The following CSMD1 variants were observed in gnomAD, a reference collection of about 807,000 sequenced individuals.
CSMD1 encodes CUB and Sushi multiple domains 1.
In CSMD1, 213 loss-of-function variants were observed where a neutral mutation model predicts 417.5. The ratio of observed to expected loss-of-function variants is 0.51; its 90% CI spans 0.46 to 0.57. The LOEUF (loss-of-function observed/expected upper bound fraction) is 0.57. Among genes scored for constraint, CSMD1 ranks in the 20% least tolerant of loss-of-function variants. The pLI, the probability that CSMD1 is intolerant of heterozygous loss-of-function variation, is 0.00. For missense variants in CSMD1, 6,923 were observed against 4,529.7 expected (o/e 1.53, Z -15.17); for synonymous variants, 2,862 against 1,736.8 (o/e 1.65, Z -16.11).
At chr8:4,469,834 C>G (rs935125761) in intron 2 of CSMD1, among the ~76,000 whole-genome samples, 1 of 151,928 alleles carries the variant, frequency 6.6e-6, no homozygotes, top group Non-Finnish European at 1.5e-5. Flanking sequence ...CTTAAAATGA[C>G]TCGCACACCT....
chr8:4,715,386 T>C (rs1300909296), intron 1 of CSMD1, among the ~76,000 whole-genome samples: 3 of 152,198 alleles, frequency 2.0e-5, no homozygotes, highest in Non-Finnish European at 4.4e-5. Context: ...TTGAATATAA[T>C]ATAAACATGT....
At chr8:3,497,274 G>C (rs558391827) in intron 10 of CSMD1, among the ~76,000 whole-genome samples, 81 of 152,232 alleles carry the variant, frequency 5.3e-4, no homozygotes, top group African/African-American at 1.9e-3. Context: ...TATTATATTG[G>C]AGTCTATCTC....
chr8:4,159,541 A>G (rs1280364921), intron 3 of CSMD1, among the ~76,000 whole-genome samples: 1 of 152,210 alleles, frequency 6.6e-6, no homozygotes, highest in Non-Finnish European at 1.5e-5. Flanking sequence ...CAGCCATAAA[A>G]AGCAATGAAT....
intron 5 of CSMD1, among the ~76,000 whole-genome samples, chr8:3,852,909 T>G (rs1414416815): frequency 6.6e-6 from 1 of 152,150 alleles, no homozygotes; most frequent in Non-Finnish European, 1.5e-5. Context: ...TTTTAAAATA[T>G]TTTATCTTGA....
chr8:3,676,230 C>T (rs1383947), intron 7 of CSMD1, among the ~76,000 whole-genome samples: 2 of 152,016 alleles, frequency 1.3e-5, no homozygotes, highest in Non-Finnish European at 2.9e-5. Context: ...AAATACTAAC[C>T]TTGGGGTCAG....
intron 3 of CSMD1, among the ~76,000 whole-genome samples, chr8:4,109,850 G>A (rs892688223): frequency 6.6e-6 from 1 of 152,132 alleles, no homozygotes; most frequent in South Asian, 2.1e-4. Context: ...ATAAAAATAA[G>A]GGAGAGGTCC....
At chr8:4,292,535 G>C (rs997499381) in intron 3 of CSMD1, among the ~76,000 whole-genome samples, 4 of 152,206 alleles carry the variant, frequency 2.6e-5, no homozygotes, top group African/African-American at 9.6e-5. Flanking sequence ...TACAGCCCAG[G>C]CGTGAGCCAC....
chr8:4,304,191 G>C (rs963920698), intron 3 of CSMD1, among the ~76,000 whole-genome samples: 1 of 152,140 alleles, frequency 6.6e-6, no homozygotes, highest in African/African-American at 2.4e-5. Flanking sequence ...GGGAGAATAA[G>C]CCAGTTTTGA....
At chr8:4,888,256 G>C (rs1177440974) in intron 1 of CSMD1, among the ~76,000 whole-genome samples, 1 of 151,954 alleles carries the variant, frequency 6.6e-6, no homozygotes, top group Non-Finnish European at 1.5e-5. Flanking sequence ...AATCGATAAG[G>C]AGTAATTTTC....
At chr8:3,901,440 A>C (rs956472553) in intron 5 of CSMD1, among the ~76,000 whole-genome samples, 2 of 151,972 alleles carry the variant, frequency 1.3e-5, no homozygotes, top group African/African-American at 4.8e-5. Context: ...TTTTGGTCTT[A>C]CTCTAATGAC....
At chr8:3,566,204 G>T (rs1443049552) in intron 10 of CSMD1, among the ~76,000 whole-genome samples, 2 of 152,040 alleles carry the variant, frequency 1.3e-5, no homozygotes, top group Non-Finnish European at 2.9e-5. Context: ...ACAAGGAAAA[G>T]GAGGAGGAGA....
chr8:3,157,833 G>A (rs1819629400), intron 39 of CSMD1, 64 bp downstream of exon 39: 1 of 1,315,460 alleles, frequency 7.6e-7, no homozygotes, highest in Non-Finnish European at 1.1e-6. Context: ...GACCCCAAGA[G>A]TAGAGCAGGC....
chr8:3,710,826 G>A (rs1461980580), intron 6 of CSMD1, among the ~76,000 whole-genome samples: 1 of 152,162 alleles, frequency 6.6e-6, no homozygotes, highest in African/African-American at 2.4e-5. Flanking sequence ...AGACTATGCA[G>A]AATTTGAACT....
chr8:3,670,808 T>A (rs1186782200), intron 7 of CSMD1, among the ~76,000 whole-genome samples: 9 of 150,864 alleles, frequency 6.0e-5, no homozygotes, highest in Admixed American at 5.3e-4. Flanking sequence ...GGGATATATA[T>A]GTATATGGGA....
rs189451851 is a variant in CSMD1, at chr8:4,917,974, G to C, written c.85+76358C>G. 1.8e-4 allele frequency among the ~76,000 whole-genome samples: 27 copies of C among 152,268 alleles called. 1 individual carries two copies. The highest frequency in any genetic ancestry group is 1.6e-3 in the Admixed American group (25 of 15,300). On this transcript the variant is annotated intron_variant, in intron 1 of 69. Coordinates refer to ENST00000635120, the MANE Select transcript of CSMD1 (RefSeq NM_033225.6). ...TGCTAAGGTCTATTTAGTAGAGTGAGTATTGTTACTGTCTGTGATAACAAA... is the reference window on the plus strand; with the variant it reads ...TGCTAAGGTCTATTTAGTAGAGTGACTATTGTTACTGTCTGTGATAACAAA...
intron 5 of CSMD1, among the ~76,000 whole-genome samples, chr8:3,971,743 T>G (rs28671018): frequency 6.6e-6 from 1 of 152,170 alleles, no homozygotes; most frequent in Admixed American, 6.5e-5. Flanking sequence ...CCAAGGCCGA[T>G]GCATTTTCTT....
chr8:4,424,463 G>T (rs76872278), intron 2 of CSMD1, among the ~76,000 whole-genome samples: 16,808 of 151,772 alleles, frequency 0.11, 1,044 homozygotes, highest in Non-Finnish European at 0.12. Flanking sequence ...GACATCAGAG[G>T]AATGCAAATT....
intron 1 of CSMD1, among the ~76,000 whole-genome samples, chr8:4,746,230 T>C (rs1676940): frequency 2.9e-3 from 443 of 152,212 alleles, no homozygotes; most frequent in African/African-American, 9.6e-3. Context: ...ACCGAAAACG[T>C]ATGGCCAACA....
In CSMD1 at chr8:3,604,494, A is replaced by T. The variant is rs148769945; in HGVS notation, c.1097+12216T>A. ...CACGAGAAGGATCATAGAAATGAAGACGTGCTAAAGAGGAGAGCCAATACC... is the reference window on the plus strand; with the variant it reads ...CACGAGAAGGATCATAGAAATGAAGTCGTGCTAAAGAGGAGAGCCAATACC... On this transcript the variant is annotated intron_variant, in intron 8 of 69. Transcript: ENST00000635120. Among the ~76,000 whole-genome samples the T allele has an allele frequency of 7.7e-4, 118 of 152,304 alleles. 1 individual carries two copies. In the East Asian group the frequency reaches 0.022, roughly 28 times the overall value.
Sources: gnomAD v4.1 joint callset for allele counts (sites outside exome capture counted in the v4.1 genomes callset) on GRCh38, gnomAD v4.1.1 for gene constraint, MANE v1.5 for transcripts, NCBI Gene and HGNC (gene_info 2026-07-23, HGNC 2026-07-21) for gene names.